The following STIM2 variants were observed in gnomAD, a reference collection of about 807,000 sequenced individuals.
STIM2 encodes stromal interaction molecule 2.
A neutral mutation model predicts 85.8 loss-of-function variants in STIM2; 31 were observed. The ratio of observed to expected loss-of-function variants is 0.36; its 90% CI spans 0.27 to 0.49. The LOEUF (loss-of-function observed/expected upper bound fraction) is 0.49, where lower values mean the gene tolerates loss of function less well. Among genes scored for constraint, STIM2 ranks in the 20% least tolerant of loss-of-function variants. STIM2 has a pLI of 0.98. For synonymous variants in STIM2, 356 were observed against 331.1 expected, an observed-to-expected ratio of 1.08 and a Z score of -0.82; for missense variants, 841 against 927.6, an observed-to-expected ratio of 0.91 and a Z score of 1.21.
At chr4:26,956,869 A>G (rs1234309781) in intron 2 of STIM2, among the ~76,000 whole-genome samples, 1 of 152,144 alleles carries the variant, frequency 6.6e-6, no homozygotes, top group Non-Finnish European at 1.5e-5. Context: ...TTATTTTTTC[A>G]ACCTTGGGCA....
chr4:27,020,744 G>A (rs1728881559), intron 11 of STIM2, among the ~76,000 whole-genome samples: 1 of 152,180 alleles, frequency 6.6e-6, no homozygotes, highest in African/African-American at 2.4e-5. Flanking sequence ...TAAGGTAAGA[G>A]ATCATTTAGT....
intron 1 of STIM2, among the ~76,000 whole-genome samples, chr4:26,883,770 C>G (rs1477466042): frequency 6.6e-6 from 1 of 152,102 alleles, no homozygotes; most frequent in Non-Finnish European, 1.5e-5. Flanking sequence ...TCAAATGTTC[C>G]TTTTGTAATT....
chr4:27,020,526 G>T (rs187892292), intron 11 of STIM2, among the ~76,000 whole-genome samples: 1 of 152,278 alleles, frequency 6.6e-6, no homozygotes, highest in African/African-American at 2.4e-5. Context: ...TTATTTAGGG[G>T]ATTTTGTACC....
chr4:27,020,875 A>G, intron 11 of STIM2: 7 of 788,632 alleles, frequency 8.9e-6, no homozygotes, highest in Non-Finnish European at 1.4e-5. Flanking sequence ...GGTTATAATC[A>G]TATGTGCTCT....
intron 1 of STIM2, among the ~76,000 whole-genome samples, chr4:26,910,265 T>C (rs1724286032): frequency 6.6e-6 from 1 of 152,152 alleles, no homozygotes; most frequent in Non-Finnish European, 1.5e-5. Flanking sequence ...CTCACGCTTA[T>C]AATTCCAGCG....
intron 10 of STIM2, among the ~76,000 whole-genome samples, chr4:27,011,085 A>G (rs1728539131): frequency 6.6e-6 from 1 of 152,240 alleles, no homozygotes. Flanking sequence ...ATAAACTATT[A>G]CAAATACACT....
At position 27,004,042 on chromosome 4, in the gene STIM2, C is replaced by T. The variant is rs544918960; in HGVS notation, c.981+938C>T. Among the ~76,000 whole-genome samples, 7 of 152,318 alleles carry T rather than the reference C, an allele frequency of 4.6e-5. No homozygotes were observed. The South Asian group carries it at 6.2e-4, about 14-fold the overall frequency. On this transcript the variant is annotated intron_variant, in intron 7 of 11. Coordinates refer to ENST00000467087, the MANE Select transcript of STIM2 (RefSeq NM_020860.4). ...AAGCAGGGGCAAGAACTTAGGTGTT[C>T]TGCCTCCACTTTGTTTTATGCGCTG...
chr4:26,864,323 G>T (rs143464270), intron 1 of STIM2, among the ~76,000 whole-genome samples: 52 of 152,162 alleles, frequency 3.4e-4, no homozygotes, highest in African/African-American at 1.2e-3. Flanking sequence ...ATAGGTGACT[G>T]AGAGCTTGGT....
rs1474739787 is a variant in STIM2 at position 27,024,581 on chromosome 4, A to T, written c.*1585A>T. The stretch of plus-strand genomic sequence containing the variant: ...TGTCTCCTATAAATTGTGATTGTTT[A>T]TTCTATTACTATTGTTAAAAACTTG... On this transcript the variant is annotated 3_prime_UTR_variant, in exon 12 of 12. Transcript: ENST00000467087. 6.6e-6 allele frequency: 1 copy of T among 152,228 alleles called. No homozygotes were observed. Among genetic ancestry groups the T allele is most frequent in the Non-Finnish European group, 1.5e-5 (1 of 68,036 alleles). 9.4% of individuals were successfully genotyped at this position (152,228 alleles called of 1,614,324 possible).
chr4:27,000,121 G>A (rs1728099992), intron 5 of STIM2, among the ~76,000 whole-genome samples: 1 of 151,810 alleles, frequency 6.6e-6, no homozygotes, highest in Non-Finnish European at 1.5e-5. Flanking sequence ...AAGTTATAAA[G>A]TAGGAAACTA....
At chr4:26,967,902 G>A (rs1420302468) in intron 3 of STIM2, among the ~76,000 whole-genome samples, 2 of 152,162 alleles carry the variant, frequency 1.3e-5, no homozygotes, top group East Asian at 1.9e-4. Flanking sequence ...TATGATATAC[G>A]TGAAAAAACC....
intron 2 of STIM2, among the ~76,000 whole-genome samples, chr4:26,950,939 C>T (rs1402113208): frequency 6.6e-6 from 1 of 151,994 alleles, no homozygotes; most frequent in Admixed American, 6.6e-5. Context: ...TCAGATCAGC[C>T]ATCAAAGCTT....
intron 3 of STIM2, among the ~76,000 whole-genome samples, chr4:26,994,381 C>T (rs1292992448): frequency 6.6e-6 from 1 of 152,054 alleles, no homozygotes; most frequent in Non-Finnish European, 1.5e-5. Flanking sequence ...TCCATTTCAT[C>T]AGCGCATCTT....
chr4:26,875,621 T>C (rs535074070), intron 1 of STIM2, among the ~76,000 whole-genome samples: 1 of 152,320 alleles, frequency 6.6e-6, no homozygotes, highest in South Asian at 2.1e-4. Context: ...TAAGTCTTTG[T>C]ATTTTGTCAG....
intron 2 of STIM2, among the ~76,000 whole-genome samples, chr4:26,923,066 C>A (rs1251643161): frequency 1.3e-5 from 2 of 151,422 alleles, no homozygotes; most frequent in East Asian, 3.9e-4. Flanking sequence ...GGGTCCCTGA[C>A]CCCTGACCCC....
chr4:26,972,575 T>C (rs1727002279), intron 3 of STIM2, among the ~76,000 whole-genome samples: 1 of 152,190 alleles, frequency 6.6e-6, no homozygotes, highest in Non-Finnish European at 1.5e-5. Flanking sequence ...CAGCCTTACA[T>C]CTGAGGGATG....
At chr4:26,937,288 C>T (rs549877380) in intron 2 of STIM2, among the ~76,000 whole-genome samples, 9 of 152,078 alleles carry the variant, frequency 5.9e-5, no homozygotes, top group South Asian at 2.1e-4. Context: ...TGTTACAGAC[C>T]GGAAGGGGGC....
At chr4:26,887,483 G>C (rs1329118286) in intron 1 of STIM2, among the ~76,000 whole-genome samples, 1 of 152,050 alleles carries the variant, frequency 6.6e-6, no homozygotes, top group East Asian at 1.9e-4. Context: ...TACTTTGGGT[G>C]GTTGGGAACT....
intron 2 of STIM2, among the ~76,000 whole-genome samples, chr4:26,920,176 G>A (rs1724745681): frequency 6.6e-6 from 1 of 152,088 alleles, no homozygotes; most frequent in Non-Finnish European, 1.5e-5. Context: ...ATTACAGCAC[G>A]GCAGCTAGTG....
Sources: gnomAD v4.1 joint callset for allele counts (sites outside exome capture counted in the v4.1 genomes callset) on GRCh38, gnomAD v4.1.1 for gene constraint, MANE v1.5 for transcripts, NCBI Gene and HGNC (gene_info 2026-07-23, HGNC 2026-07-21) for gene names.